NKAIN3: variants seen among roughly 807,000 people sequenced by gnomAD.
NKAIN3 encodes the protein sodium/potassium transporting ATPase interacting 3, also known as sodium/potassium-transporting ATPase subunit beta-1-interacting protein 3.
A neutral mutation model predicts 30.2 loss-of-function variants in NKAIN3; 25 were observed. The observed-to-expected ratio is 0.83, with a 90% CI of 0.60 to 1.16. The LOEUF (loss-of-function observed/expected upper bound fraction) is 1.16. NKAIN3 is among the 50% of genes most tolerant of loss of function. The probability of loss-of-function intolerance (pLI) is 0.00; values close to 1 mark genes in which losing one functional copy is unlikely to be tolerated. For synonymous variants in NKAIN3, 91 were observed against 89.6 expected, an observed-to-expected ratio of 1.02 and a Z score of -0.09; for missense variants, 225 against 254.1, an observed-to-expected ratio of 0.89 and a Z score of 0.78.
chr8:62,468,607 A>G (rs764340017), intron 1 of NKAIN3, among the ~76,000 whole-genome samples: 5 of 152,228 alleles, frequency 3.3e-5, no homozygotes, highest in Non-Finnish European at 5.9e-5. Flanking sequence ...TTGTTCTACA[A>G]TTTCTCACTG....
At chr8:62,925,341 C>G (rs113103989) in intron 5 of NKAIN3, among the ~76,000 whole-genome samples, 35 of 152,124 alleles carry the variant, frequency 2.3e-4, no homozygotes, top group Non-Finnish European at 4.1e-4. Flanking sequence ...TCCTCACTCC[C>G]TAAGAAAATT....
At chr8:62,312,721 G>T (rs987891484) in intron 1 of NKAIN3, among the ~76,000 whole-genome samples, 1 of 151,992 alleles carries the variant, frequency 6.6e-6, no homozygotes, top group African/African-American at 2.4e-5. Flanking sequence ...GGAGGTTGAG[G>T]TGGGAGGATC....
intron 1 of NKAIN3, among the ~76,000 whole-genome samples, chr8:62,365,028 A>G (rs142644364): frequency 6.6e-6 from 1 of 152,094 alleles, no homozygotes; most frequent in Non-Finnish European, 1.5e-5. Flanking sequence ...CAAGCAACTG[A>G]TTTGTAATTT....
At chr8:62,880,002 A>G (rs1311303783) in intron 4 of NKAIN3, among the ~76,000 whole-genome samples, 1 of 152,202 alleles carries the variant, frequency 6.6e-6, no homozygotes, top group African/African-American at 2.4e-5. Flanking sequence ...AAGAGGTGGC[A>G]GAAGCTGCTT....
At chr8:62,542,853 A>G (rs1808889067) in intron 1 of NKAIN3, among the ~76,000 whole-genome samples, 1 of 152,142 alleles carries the variant, frequency 6.6e-6, no homozygotes, top group Admixed American at 6.5e-5. Context: ...TCCCACATGC[A>G]TATATATCTA....
chr8:62,564,231 AC>A (rs1809675417), intron 1 of NKAIN3, among the ~76,000 whole-genome samples: 1 of 152,164 alleles, frequency 6.6e-6, no homozygotes, highest in Non-Finnish European at 1.5e-5. Flanking sequence ...AAAAATATTA[AC>A]ACAAGGTCCC....
rs563971224 is a variant in NKAIN3 at position 62,555,373 on chromosome 8, A to G, written c.55-24166A>G. On this transcript the variant is annotated intron_variant, in intron 1 of 6. Coordinates refer to ENST00000623646, the MANE Select transcript of NKAIN3 (RefSeq NM_001304533.3). ...AAGAGTTTTGAAATGAAGAAGGAGT[A>G]AAATGACTAAGCATATTTGAATAAG... is the stretch of plus-strand genomic sequence containing the variant. Among the ~76,000 whole-genome samples, 6 of 152,266 alleles carry G rather than the reference A, an allele frequency of 3.9e-5. No individual in the cohort carries two copies. In the South Asian group the frequency reaches 8.3e-4, roughly 21 times the overall value.
At chr8:62,316,495 T>A (rs1470550282) in intron 1 of NKAIN3, among the ~76,000 whole-genome samples, 1 of 152,040 alleles carries the variant, frequency 6.6e-6, no homozygotes, top group Non-Finnish European at 1.5e-5. Flanking sequence ...GTTCTCATTG[T>A]TCAATTCCCA....
At chr8:62,707,741 C>G (rs1399949477) in intron 3 of NKAIN3, among the ~76,000 whole-genome samples, 2 of 152,000 alleles carry the variant, frequency 1.3e-5, no homozygotes, top group African/African-American at 4.8e-5. Context: ...TAAGTCCCAG[C>G]TATTTATCTT....
At chr8:62,433,220 G>A (rs1485655725) in intron 1 of NKAIN3, among the ~76,000 whole-genome samples, 1 of 151,970 alleles carries the variant, frequency 6.6e-6, no homozygotes, top group Non-Finnish European at 1.5e-5. Flanking sequence ...CCAAATCTCA[G>A]GTTTGCGAGC....
intron 1 of NKAIN3, among the ~76,000 whole-genome samples, chr8:62,554,918 G>A (rs145524904): frequency 3.3e-5 from 5 of 151,822 alleles, no homozygotes; most frequent in South Asian, 2.1e-4. Context: ...ATATAAGTGA[G>A]ATTATGCAGT....
At chr8:62,773,056 G>GC (rs1817074715) in intron 4 of NKAIN3, among the ~76,000 whole-genome samples, 1 of 152,040 alleles carries the variant, frequency 6.6e-6, no homozygotes, top group Non-Finnish European at 1.5e-5. Flanking sequence ...CAGACATACA[G>GC]TTTGCCAATA....
chr8:62,869,055 G>C (rs1485232225), intron 4 of NKAIN3, among the ~76,000 whole-genome samples: 1 of 152,228 alleles, frequency 6.6e-6, no homozygotes, highest in Non-Finnish European at 1.5e-5. Flanking sequence ...GGAGAGTGGG[G>C]TATGCCTTTG....
chr8:62,274,247 A>G (rs367915288), intron 1 of NKAIN3, among the ~76,000 whole-genome samples: 1 of 116,538 alleles, frequency 8.6e-6, no homozygotes, highest in African/African-American at 3.0e-5. Context: ...ACCAAACTGC[A>G]TCCCATTTGA....
At chr8:62,948,849 C>T (rs189402258) in intron 5 of NKAIN3, among the ~76,000 whole-genome samples, 37 of 152,252 alleles carry the variant, frequency 2.4e-4, no homozygotes, top group Admixed American at 6.5e-4. Flanking sequence ...TTCACGTCTT[C>T]GTGCCAATGT....
At chr8:62,681,732 C>G (rs569573781) in intron 3 of NKAIN3, among the ~76,000 whole-genome samples, 8 of 152,226 alleles carry the variant, frequency 5.3e-5, no homozygotes, top group African/African-American at 1.7e-4. Context: ...TAGAATATGA[C>G]TTTATATATA....
intron 3 of NKAIN3, among the ~76,000 whole-genome samples, chr8:62,628,601 A>T (rs1811858898): frequency 2.0e-5 from 3 of 152,122 alleles, no homozygotes. Context: ...TGTCTTCCAA[A>T]TATTAATAAG....
intron 1 of NKAIN3, among the ~76,000 whole-genome samples, chr8:62,390,307 T>G (rs1212786523): frequency 1.3e-5 from 2 of 152,210 alleles, no homozygotes. Context: ...TTTGGCTTTT[T>G]GTTCCTGCAT....
At chr8:62,544,657 T>C (rs1016016248) in intron 1 of NKAIN3, among the ~76,000 whole-genome samples, 1 of 151,490 alleles carries the variant, frequency 6.6e-6, no homozygotes, top group South Asian at 2.1e-4. Flanking sequence ...GTATAGCCTC[T>C]TTAAAGTTTG....
Sources: gnomAD v4.1 joint callset for allele counts (sites outside exome capture counted in the v4.1 genomes callset) on GRCh38, gnomAD v4.1.1 for gene constraint, MANE v1.5 for transcripts, NCBI Gene and HGNC (gene_info 2026-07-23, HGNC 2026-07-21) for gene names.